Variants in FNIP2 observed in about 807,000 individuals in gnomAD.
FNIP2 encodes the protein folliculin interacting protein 2.
FNIP2 carries 32 observed loss-of-function variants against 108.7 expected under a neutral mutation model. The observed-to-expected ratio is 0.29, with a 90% CI of 0.22 to 0.40. The LOEUF is 0.40. Among genes scored for constraint, FNIP2 ranks in the 10% least tolerant of loss-of-function variants. FNIP2 has a pLI of 1.00. For synonymous variants in FNIP2, 480 were observed against 496.7 expected, an observed-to-expected ratio of 0.97 and a Z score of 0.45; for missense variants, 1,202 against 1,381.6, an observed-to-expected ratio of 0.87 and a Z score of 2.06.
intron 16 of FNIP2, among the ~76,000 whole-genome samples, chr4:158,903,383 G>A (rs558760489): frequency 2.6e-4 from 40 of 152,256 alleles, no homozygotes; most frequent in Middle Eastern, 6.8e-3. Context: ...CTTCTGCGTC[G>A]ATCTTGCTGG....
At chr4:158,891,336 C>T in intron 14 of FNIP2, 110 bp from the exon 15 acceptor site, 1 of 997,742 alleles carries the variant, frequency 1.0e-6, no homozygotes, top group Non-Finnish European at 1.5e-6. Flanking sequence ...CTATCCATAA[C>T]TGCCTGGCTG....
At chr4:158,794,597 T>C (rs1484727833) in intron 1 of FNIP2, 2 of 152,418 alleles carry the variant, frequency 1.3e-5, no homozygotes, top group Non-Finnish European at 2.9e-5. Flanking sequence ...TAAAAAAATA[T>C]GGAACACTTC....
chr4:158,866,976 A>T (rs1304083700), intron 12 of FNIP2, among the ~76,000 whole-genome samples: 1 of 152,258 alleles, frequency 6.6e-6, no homozygotes, highest in Admixed American at 6.5e-5. Flanking sequence ...GTAACTTATT[A>T]TAAAATGTAA....
intron 16 of FNIP2, among the ~76,000 whole-genome samples, chr4:158,901,029 TG>T (rs1352483344): frequency 6.6e-6 from 1 of 151,952 alleles, no homozygotes; most frequent in Non-Finnish European, 1.5e-5. Flanking sequence ...GCAGGCCTGG[TG>T]GTGACAGAAT....
intron 1 of FNIP2, chr4:158,806,040 C>G (rs1578841766): frequency 3.0e-6 from 2 of 657,140 alleles, no homozygotes; most frequent in Non-Finnish European, 3.8e-6. Context: ...AATGTTCCAC[C>G]TTTTTTTTTT....
At chr4:158,858,981 T>G in intron 8 of FNIP2, 76 bp from the exon 9 acceptor site, 4 of 1,186,056 alleles carry the variant, frequency 3.4e-6, no homozygotes, top group Non-Finnish European at 2.5e-6. Flanking sequence ...CTGGGTGTCA[T>G]CCCCAGTCAT....
intron 1 of FNIP2, among the ~76,000 whole-genome samples, chr4:158,803,172 G>A (rs1159058774): frequency 6.6e-6 from 1 of 152,210 alleles, no homozygotes; most frequent in African/African-American, 2.4e-5. Context: ...TTTTGTAAAT[G>A]TGTAAACTTT....
intron 1 of FNIP2, among the ~76,000 whole-genome samples, chr4:158,819,342 T>G (rs1450107001): frequency 6.6e-6 from 1 of 152,244 alleles, no homozygotes; most frequent in African/African-American, 2.4e-5. Flanking sequence ...CAACATGCAG[T>G]ATAGCTCTGT....
At chr4:158,806,638 A>T (rs1379221490) in intron 1 of FNIP2, among the ~76,000 whole-genome samples, 4 of 152,194 alleles carry the variant, frequency 2.6e-5, no homozygotes. Flanking sequence ...TTGTGACTTC[A>T]CTACCCATCT....
chr4:158,851,594 A>G, intron 8 of FNIP2, 144 bp downstream of exon 8: 2 of 1,048,110 alleles, frequency 1.9e-6, no homozygotes, highest in Non-Finnish European at 2.7e-6. Context: ...AAAGTTTACA[A>G]ATTGGAAGTT....
At chr4:158,788,855 T>C (rs1776308761) in intron 1 of FNIP2, among the ~76,000 whole-genome samples, 1 of 152,250 alleles carries the variant, frequency 6.6e-6, no homozygotes, top group African/African-American at 2.4e-5. Context: ...TCAGTTGTGC[T>C]GTGGCCATAA....
intron 14 of FNIP2, among the ~76,000 whole-genome samples, chr4:158,884,790 T>C (rs1340627311): frequency 1.3e-5 from 2 of 152,040 alleles, no homozygotes; most frequent in Non-Finnish European, 2.9e-5. Flanking sequence ...AAGTACCTTC[T>C]TCACAAGGCA....
intron 12 of FNIP2, among the ~76,000 whole-genome samples, 182 bp downstream of exon 12, chr4:158,861,958 C>G (rs1277108395): frequency 6.6e-6 from 1 of 152,098 alleles, no homozygotes; most frequent in Admixed American, 6.5e-5. Context: ...CTCTTTTTTC[C>G]CCTACTGGCA....
intron 1 of FNIP2, among the ~76,000 whole-genome samples, chr4:158,805,124 TTACTTTTGC>T (rs1170993558): frequency 5.9e-5 from 9 of 152,180 alleles, no homozygotes; most frequent in African/African-American, 1.9e-4. Context: ...AAAACCGCAA[TTACTTTTGC>T]ACCAACCTAG....
intron 8 of FNIP2, among the ~76,000 whole-genome samples, chr4:158,856,612 A>C (rs7663520): frequency 0.52 from 78,380 of 151,996 alleles, 22,029 homozygotes; most frequent in East Asian, 0.86. Flanking sequence ...ACCAGCAGAC[A>C]GATTAGGCAT....
Position 158,868,859 on chromosome 4 carries a change from G to A in FNIP2, c.2223G>A (p.Arg741=). ...FESRMKKMEE[R]VKACGPSLEA... is the part of the protein sequence containing the mutation. ...GCCGCATGAAAAAAATGGAGGAACG[G>A]GTGAAGGCCTGTGGCCCCTCCTTGG... Residue 741 remains arginine, a synonymous_variant, in exon 13 of 17, where the codon CGG becomes CGA. Transcript: ENST00000264433. The surrounding 1 kb of genome is among the most constrained non-coding windows in gnomAD (Gnocchi z 4.6). The A allele has an allele frequency of 6.2e-6, 10 of 1,613,970 alleles. No homozygotes were observed. Among genetic ancestry groups the A allele is most frequent in the Non-Finnish European group, 8.5e-6 (10 of 1,179,898 alleles).
intron 14 of FNIP2, among the ~76,000 whole-genome samples, chr4:158,880,388 CAAT>C (rs976638202): frequency 6.6e-6 from 1 of 151,984 alleles, no homozygotes; most frequent in African/African-American, 2.4e-5. Flanking sequence ...GGGAATTGAA[CAAT>C]GAGAACACAT....
At chr4:158,776,203 G>A (rs1435442261) in intron 1 of FNIP2, among the ~76,000 whole-genome samples, 1 of 152,206 alleles carries the variant, frequency 6.6e-6, no homozygotes, top group Non-Finnish European at 1.5e-5. Flanking sequence ...CAAAAGCTGA[G>A]GGGGGCTAAT....
intron 1 of FNIP2, among the ~76,000 whole-genome samples, chr4:158,818,044 T>C (rs1777672188): frequency 6.6e-6 from 1 of 152,232 alleles, no homozygotes; most frequent in South Asian, 2.1e-4. Context: ...AAACTTCATC[T>C]GTTTTAGAGT....
Sources: allele counts gnomAD v4.1 joint callset (sites outside exome capture counted in the v4.1 genomes callset), GRCh38; gene constraint gnomAD v4.1.1; non-coding constraint Gnocchi (gnomAD v3.1); transcripts MANE v1.5; gene names NCBI Gene and HGNC (gene_info 2026-07-23, HGNC 2026-07-21).